TPRG1: variants seen among roughly 807,000 people sequenced by gnomAD.
TPRG1 encodes the protein tumor protein p63-regulated gene 1 protein.
TPRG1 carries 29 observed loss-of-function variants against 29.3 expected under a neutral mutation model. The ratio of observed to expected loss-of-function variants is 0.99; its 90% CI spans 0.74 to 1.35. The LOEUF is 1.35. Among genes scored for constraint, TPRG1 ranks in the 40% most tolerant of loss-of-function variants. TPRG1 has a pLI of 0.00. For missense variants in TPRG1, 327 were observed against 335.0 expected (o/e 0.98, Z 0.19); for synonymous variants, 130 against 116.8 (o/e 1.11, Z -0.73).
At chr3:189,318,686 C>T (rs1723931996) in intron 5 of TPRG1, among the ~76,000 whole-genome samples, 1 of 152,126 alleles carries the variant, frequency 6.6e-6, no homozygotes, top group African/African-American at 2.4e-5. Flanking sequence ...CCTCAGGTAC[C>T]TGCTGTCCCA....
At chr3:189,056,029 C>CT (rs549073303) in intron 4 of TPRG1, among the ~76,000 whole-genome samples, 3,467 of 105,634 alleles carry the variant, frequency 0.033, 114 homozygotes, top group African/African-American at 0.065. Flanking sequence ...CCTTCCCTCC[C>CT]TCCCTTCCTT....
intron 2 of TPRG1, 62 bp from the exon 3 acceptor site, chr3:189,215,230 A>G (rs1735883095): frequency 7.2e-7 from 1 of 1,389,942 alleles, no homozygotes; most frequent in South Asian, 1.3e-5. Flanking sequence ...TATACTAACT[A>G]ATCATAAGCG....
At chr3:189,061,788 C>CA (rs1197807905) in intron 4 of TPRG1, among the ~76,000 whole-genome samples, 2 of 151,862 alleles carry the variant, frequency 1.3e-5, no homozygotes, top group African/African-American at 4.8e-5. Context: ...CAAAAAGTAA[C>CA]AGATGATAGT....
At chr3:189,137,598 A>T (rs1031984795) in intron 3 of TPRG1, among the ~76,000 whole-genome samples, 1 of 151,940 alleles carries the variant, frequency 6.6e-6, no homozygotes, top group African/African-American at 2.4e-5. Flanking sequence ...AGCAGGCTAC[A>T]GCTTTGCCTC....
intron 4 of TPRG1, among the ~76,000 whole-genome samples, chr3:189,059,512 A>G (rs550077795): frequency 6.6e-6 from 1 of 152,232 alleles, no homozygotes; most frequent in African/African-American, 2.4e-5. Flanking sequence ...GAACCGCTTG[A>G]ACCCAAGAGG....
intron 1 of TPRG1, chr3:189,121,682 T>C (rs917743033): frequency 6.6e-6 from 1 of 152,198 alleles, no homozygotes; most frequent in Admixed American, 6.5e-5. Context: ...ATGCCCTCTT[T>C]TGGACTTGAT....
At chr3:189,019,589 A>G (rs1713171149) in intron 3 of TPRG1, among the ~76,000 whole-genome samples, 1 of 152,258 alleles carries the variant, frequency 6.6e-6, no homozygotes, top group African/African-American at 2.4e-5. Flanking sequence ...AGCCCACTTG[A>G]TCATGATGGA....
chr3:189,315,915 G>C (rs1408661882), intron 5 of TPRG1, among the ~76,000 whole-genome samples: 2 of 152,184 alleles, frequency 1.3e-5, no homozygotes, highest in African/African-American at 4.8e-5. Context: ...AGTGGGAACA[G>C]ATAAGTCCAA....
intron 4 of TPRG1, among the ~76,000 whole-genome samples, chr3:189,301,078 A>G (rs1338124547): frequency 3.9e-5 from 6 of 152,156 alleles, no homozygotes; most frequent in Non-Finnish European, 7.4e-5. Context: ...CAGGCGGATC[A>G]TGAGGTTGGG....
chr3:189,091,866 A>G (rs987600048), intron 4 of TPRG1, among the ~76,000 whole-genome samples: 4 of 150,970 alleles, frequency 2.6e-5, no homozygotes, highest in Non-Finnish European at 4.4e-5. Context: ...TTTTTTTCAG[A>G]TATTTTGAAA....
chr3:189,022,979 G>A (rs910884226), intron 3 of TPRG1, among the ~76,000 whole-genome samples: 5 of 151,880 alleles, frequency 3.3e-5, no homozygotes, highest in Non-Finnish European at 7.4e-5. Flanking sequence ...GGGTGGGAGC[G>A]ACCCGATTTT....
At chr3:189,263,842 G>A (rs1713570440) in intron 4 of TPRG1, among the ~76,000 whole-genome samples, 1 of 152,170 alleles carries the variant, frequency 6.6e-6, no homozygotes, top group East Asian at 1.9e-4. Flanking sequence ...TAAGAGACGT[G>A]TGAAGGTTGC....
chr3:189,184,698 G>A (rs770659772), intron 1 of TPRG1, among the ~76,000 whole-genome samples: 13 of 152,262 alleles, frequency 8.5e-5, no homozygotes, highest in Admixed American at 2.6e-4. Context: ...TTCCCGTACC[G>A]TCATCATCAA....
rs564798124 is a variant in TPRG1, at chr3:189,194,984, T to C, written c.-9-12392T>C. 2.6e-5 allele frequency among the ~76,000 whole-genome samples: 4 copies of C among 152,198 alleles called. No individual in the cohort carries two copies. In the South Asian group the frequency reaches 8.3e-4, roughly 32 times the overall value. ...CCAAAGGTACTAGACTTATTTGGCTTATAAGGTGAGGTATCTCAGCTCAGC... is the reference window on the plus strand; with the variant it reads ...CCAAAGGTACTAGACTTATTTGGCTCATAAGGTGAGGTATCTCAGCTCAGC... On this transcript the variant is annotated intron_variant, in intron 1 of 5. Coordinates refer to ENST00000345063, the MANE Select transcript of TPRG1 (RefSeq NM_198485.4).
chr3:189,235,289 T>C (rs1390902291), intron 3 of TPRG1, among the ~76,000 whole-genome samples: 1 of 146,414 alleles, frequency 6.8e-6, no homozygotes, highest in East Asian at 2.0e-4. Flanking sequence ...AGCAAGAGTA[T>C]ATGTAAGTAA....
intron 4 of TPRG1, among the ~76,000 whole-genome samples, chr3:189,083,827 A>T (rs1423716879): frequency 7.8e-6 from 1 of 128,142 alleles, no homozygotes; most frequent in Non-Finnish European, 1.6e-5. Context: ...TTTATCTCTG[A>T]TCTTCAGCTT....
chr3:189,179,668 A>G (rs959648388), intron 1 of TPRG1, among the ~76,000 whole-genome samples: 1 of 152,026 alleles, frequency 6.6e-6, no homozygotes, highest in South Asian at 2.1e-4. Flanking sequence ...GTTGCTTTCT[A>G]CTCTCCACCT....
At chr3:189,160,607 C>G (rs1727340667) in intron 5 of TPRG1, among the ~76,000 whole-genome samples, 1 of 152,130 alleles carries the variant, frequency 6.6e-6, no homozygotes, top group Admixed American at 6.6e-5. Flanking sequence ...CTCCCCAACC[C>G]AACTCCCCAA....
chr3:189,318,385 A>G (rs1243229516), intron 5 of TPRG1, among the ~76,000 whole-genome samples: 2 of 152,124 alleles, frequency 1.3e-5, no homozygotes, highest in Non-Finnish European at 1.5e-5. Context: ...AAAAAGGTCA[A>G]CTTTTCCCTT....
Sources: gnomAD v4.1 joint callset for allele counts (sites outside exome capture counted in the v4.1 genomes callset) on GRCh38, gnomAD v4.1.1 for gene constraint, MANE v1.5 for transcripts, NCBI Gene and HGNC (gene_info 2026-07-23, HGNC 2026-07-21) for gene names.